The following RAB3IL1 variants were observed in gnomAD, a reference collection of about 807,000 sequenced individuals.
RAB3IL1 encodes the protein RAB3A interacting protein like 1.
In RAB3IL1, 37 loss-of-function variants were observed where a neutral mutation model predicts 49.2. The ratio of observed to expected loss-of-function variants is 0.75; its 90% CI spans 0.58 to 0.99. The LOEUF is 0.99. Among genes scored for constraint, RAB3IL1 ranks in the 50% least tolerant of loss-of-function variants. RAB3IL1 has a pLI of 0.00. For missense variants in RAB3IL1, 484 were observed against 513.0 expected, an observed-to-expected ratio of 0.94 and a Z score of 0.55; for synonymous variants, 193 against 213.9, an observed-to-expected ratio of 0.90 and a Z score of 0.85.
intron 8 of RAB3IL1, among the ~76,000 whole-genome samples, chr11:61,902,081 G>A (rs957450621): frequency 5.3e-5 from 8 of 152,168 alleles, no homozygotes; most frequent in Admixed American, 4.6e-4. Flanking sequence ...TTGGGAGGCC[G>A]AGGCAGGCAG....
At chr11:61,907,947 A>G in intron 2 of RAB3IL1, 107 bp downstream of exon 2, 1 of 1,467,492 alleles carries the variant, frequency 6.8e-7, no homozygotes, top group Non-Finnish European at 9.1e-7. Flanking sequence ...CGGTGAGGGC[A>G]CATCCCTCTC....
At chr11:61,928,798 GCTC>G in the RAB3IL1 span, among the ~76,000 whole-genome samples, 1 of 152,158 alleles carries the variant, frequency 6.6e-6, no homozygotes, top group Non-Finnish European at 1.5e-5. Context: ...GATTCCTATT[GCTC>G]AATATCAAGC....
At chr11:61,912,691 C>T (rs1048636332) in intron 1 of RAB3IL1, among the ~76,000 whole-genome samples, 1 of 152,044 alleles carries the variant, frequency 6.6e-6, no homozygotes, top group Admixed American at 6.5e-5. Context: ...TAGCGTATCA[C>T]GTGGCCTGTC....
upstream of RAB3IL1, among the ~76,000 whole-genome samples, chr11:61,919,157 C>A (rs1939829011): frequency 6.6e-6 from 1 of 152,176 alleles, no homozygotes; most frequent in Non-Finnish European, 1.5e-5. Flanking sequence ...CTTCACAAGC[C>A]CCGGCAGGAG....
At chr11:61,927,153 T>C in the RAB3IL1 span, among the ~76,000 whole-genome samples, 1 of 152,148 alleles carries the variant, frequency 6.6e-6, no homozygotes, top group Non-Finnish European at 1.5e-5. Context: ...CAGATCTGAT[T>C]CTTAAAAAGA....
At chr11:61,935,191 G>A in the RAB3IL1 span, among the ~76,000 whole-genome samples, 1 of 152,238 alleles carries the variant, frequency 6.6e-6, no homozygotes, top group East Asian at 1.9e-4. Context: ...CATTTTGGGA[G>A]GCCATGAATC....
chr11:61,942,165 C>T, the RAB3IL1 span, among the ~76,000 whole-genome samples: 795 of 152,236 alleles, frequency 5.2e-3, 6 homozygotes, highest in Middle Eastern at 0.024. Flanking sequence ...GAGCCATGAT[C>T]GCACCACTGC....
the RAB3IL1 span, among the ~76,000 whole-genome samples, chr11:61,933,693 C>T: frequency 1.3e-5 from 2 of 152,012 alleles, no homozygotes; most frequent in South Asian, 2.1e-4. Context: ...CAGAAAAAGC[C>T]TAGGTTTCTT....
intron 7 of RAB3IL1, among the ~76,000 whole-genome samples, chr11:61,904,331 A>T (rs1039205185): frequency 2.2e-4 from 33 of 152,124 alleles, no homozygotes; most frequent in African/African-American, 7.7e-4. Context: ...CACAGAGCAG[A>T]CCAGTCAGGA....
Position 61,906,336 on chromosome 11 carries a change from T to C in RAB3IL1, c.657+130A>G. 2.3e-6 allele frequency: 2 copies of C among 867,224 alleles called. No homozygotes were observed. Among genetic ancestry groups the C allele is most frequent in the Non-Finnish European group, 3.6e-6 (2 of 550,370 alleles). The allele number at this position is 867,224 out of a possible 1,614,324, so 53.7% of individuals were successfully genotyped here. A position where few individuals can be genotyped will look rare whatever the true frequency, so the allele number is the denominator to read the frequency against. On this transcript the variant is annotated intron_variant, in intron 5 of 9. Coordinates refer to ENST00000394836, the MANE Select transcript of RAB3IL1 (RefSeq NM_013401.4). The surrounding 1 kb of genome is among the most constrained non-coding windows in gnomAD (Gnocchi z 4.6). ...AGAAAGGACCTGCCCAGCCCTCACA[T>C]CCCAGAGAGGCGCAGGACAGGCTCC... is the stretch of plus-strand genomic sequence containing the variant.
chr11:61,943,763 A>G, the RAB3IL1 span, among the ~76,000 whole-genome samples: 1 of 152,220 alleles, frequency 6.6e-6, no homozygotes, highest in African/African-American at 2.4e-5. Flanking sequence ...AACCACAATG[A>G]GATACTACTG....
At chr11:61,926,104 C>CAAAAAAAAAAAAAAAAAAAAA in the RAB3IL1 span, among the ~76,000 whole-genome samples, 1 of 64,064 alleles carries the variant, frequency 1.6e-5, no homozygotes, top group Non-Finnish European at 3.0e-5. Flanking sequence ...TCCTTCCTGC[C>CAAAAAAAAAAAAAAAAAAAAA]AAAAAAAAAA....
chr11:61,903,759 A>G (rs2136028782), intron 7 of RAB3IL1, among the ~76,000 whole-genome samples: 1 of 152,160 alleles, frequency 6.6e-6, no homozygotes, highest in South Asian at 2.1e-4. Context: ...TCCTGACCTC[A>G]AGTGATCCAC....
At chr11:61,914,821 G>A (rs1054667234) in intron 1 of RAB3IL1, among the ~76,000 whole-genome samples, 2 of 152,110 alleles carry the variant, frequency 1.3e-5, no homozygotes, top group African/African-American at 4.8e-5. Flanking sequence ...CACTGGCCCC[G>A]CTGGGGTCAC....
rs1226373797 is a variant in RAB3IL1 at position 61,906,116 on chromosome 11, G to A, written c.657+350C>T. 6.6e-6 allele frequency among the ~76,000 whole-genome samples: 1 copy of A among 152,104 alleles called. No homozygotes were observed. The highest frequency in any genetic ancestry group is 2.4e-5 in the African/African-American group (1 of 41,414). ...GCCTCTCCCCTGAGGCCCAGTGGCTGCTGCTTGGCCTCTTAAGGCCAAGGA... is the reference window on the plus strand; with the variant it reads ...GCCTCTCCCCTGAGGCCCAGTGGCTACTGCTTGGCCTCTTAAGGCCAAGGA... On this transcript the variant is annotated intron_variant, in intron 5 of 9. Transcript: ENST00000394836. The surrounding 1 kb of genome is among the most constrained non-coding windows in gnomAD (Gnocchi z 4.6).
At chr11:61,941,139 C>A in the RAB3IL1 span, among the ~76,000 whole-genome samples, 1 of 151,694 alleles carries the variant, frequency 6.6e-6, no homozygotes, top group Non-Finnish European at 1.5e-5. Context: ...AAACTACTAC[C>A]AACCTTACAG....
At chr11:61,920,767 T>C (rs941420342), upstream of RAB3IL1, among the ~76,000 whole-genome samples, 13 of 152,176 alleles carry the variant, frequency 8.5e-5, no homozygotes, top group African/African-American at 3.1e-4. Flanking sequence ...CTACTAAAAA[T>C]ACAAAATTAG....
At chr11:61,941,130 A>G in the RAB3IL1 span, among the ~76,000 whole-genome samples, 8 of 152,030 alleles carry the variant, frequency 5.3e-5, no homozygotes, top group Admixed American at 4.6e-4. Flanking sequence ...TAAAAAGAAA[A>G]ACTACTACCA....
the RAB3IL1 span, among the ~76,000 whole-genome samples, chr11:61,932,060 G>T: frequency 6.6e-6 from 1 of 151,886 alleles, no homozygotes; most frequent in African/African-American, 2.4e-5. Flanking sequence ...GACCATCCTG[G>T]CTAACATGGT....
Sources: gnomAD v4.1 joint callset for allele counts (sites outside exome capture counted in the v4.1 genomes callset) on GRCh38, gnomAD v4.1.1 for gene constraint, Gnocchi (gnomAD v3.1) non-coding constraint, MANE v1.5 for transcripts, NCBI Gene and HGNC (gene_info 2026-07-23, HGNC 2026-07-21) for gene names.